GMDS: variants seen among roughly 807,000 people sequenced by gnomAD.
GMDS encodes the protein GDP-mannose 4,6 dehydratase.
A neutral mutation model predicts 49.9 loss-of-function variants in GMDS; 20 were observed. The observed-to-expected ratio is 0.40, with a 90% CI of 0.28 to 0.58. The LOEUF (loss-of-function observed/expected upper bound fraction) is 0.58. Ranked by LOEUF, GMDS falls within the 20% of genes least tolerant of loss-of-function variation. GMDS has a pLI of 0.42. For missense variants in GMDS, 362 were observed against 481.4 expected, an observed-to-expected ratio of 0.75 and a Z score of 2.32; for synonymous variants, 177 against 178.6, an observed-to-expected ratio of 0.99 and a Z score of 0.07.
chr6:1,632,994 T>C (rs149164808), intron 9 of GMDS, among the ~76,000 whole-genome samples: 4 of 152,230 alleles, frequency 2.6e-5, no homozygotes, highest in Admixed American at 1.3e-4. Context: ...ATTCAGGTTT[T>C]AAATCTGTAA....
intron 7 of GMDS, among the ~76,000 whole-genome samples, chr6:1,927,084 T>C (rs1762046397): frequency 6.8e-6 from 1 of 147,550 alleles, no homozygotes; most frequent in Admixed American, 6.8e-5. Flanking sequence ...AGCGTGTTGG[T>C]GTATTTTTAT....
At chr6:1,749,848 T>C (rs1767654330) in intron 7 of GMDS, among the ~76,000 whole-genome samples, 1 of 152,174 alleles carries the variant, frequency 6.6e-6, no homozygotes, top group Non-Finnish European at 1.5e-5. Context: ...TCATTTTTTT[T>C]GTAGACAGGG....
intron 8 of GMDS, among the ~76,000 whole-genome samples, chr6:1,739,913 A>G (rs557604413): frequency 6.6e-6 from 1 of 152,332 alleles, no homozygotes; most frequent in Admixed American, 6.5e-5. Context: ...CTTTCCTAAT[A>G]TAGTACTAAA....
chr6:1,797,974 C>T (rs1356453093), intron 7 of GMDS, among the ~76,000 whole-genome samples: 2 of 152,144 alleles, frequency 1.3e-5, no homozygotes, highest in Non-Finnish European at 2.9e-5. Flanking sequence ...TTTTTCAGTT[C>T]TAATGCTAGG....
intron 9 of GMDS, among the ~76,000 whole-genome samples, chr6:1,685,172 AG>A (rs1339594632): frequency 1.3e-5 from 2 of 152,142 alleles, no homozygotes; most frequent in African/African-American, 4.8e-5. Flanking sequence ...CGAGGTGGGC[AG>A]ATCACTTGAG....
chr6:1,992,651 A>G (rs9392349), intron 4 of GMDS, among the ~76,000 whole-genome samples: 101,167 of 152,016 alleles, frequency 0.67, 34,014 homozygotes, highest in African/African-American at 0.74. Context: ...CCTCCGCCCT[A>G]GCACTCCCAA....
intron 7 of GMDS, among the ~76,000 whole-genome samples, chr6:1,872,623 G>A (rs1046881317): frequency 4.6e-5 from 7 of 152,226 alleles, no homozygotes; most frequent in African/African-American, 1.7e-4. Context: ...TTTATTACGA[G>A]CCACACATGT....
chr6:1,828,416 A>G (rs1031359216), intron 7 of GMDS, among the ~76,000 whole-genome samples: 3 of 152,212 alleles, frequency 2.0e-5, no homozygotes, highest in African/African-American at 7.2e-5. Context: ...AAATTTGATG[A>G]AAAACATGAC....
chr6:1,893,425 T>C (rs960665066), intron 7 of GMDS, among the ~76,000 whole-genome samples: 65 of 152,022 alleles, frequency 4.3e-4, no homozygotes, highest in African/African-American at 1.5e-3. Flanking sequence ...CTCCTGACAT[T>C]AGGTGATCCG....
At chr6:2,064,805 C>T (rs1771439870) in intron 4 of GMDS, among the ~76,000 whole-genome samples, 1 of 152,100 alleles carries the variant, frequency 6.6e-6, no homozygotes, top group African/African-American at 2.4e-5. Flanking sequence ...GGGGATGCCA[C>T]AATAGACCAC....
At chr6:1,952,110 C>T (rs771650702) in intron 6 of GMDS, 1 of 398,468 alleles carries the variant, frequency 2.5e-6, no homozygotes, top group South Asian at 1.0e-4. Flanking sequence ...CAATCTCATG[C>T]TGCTTCTGTT....
rs369616274 is a variant in GMDS at position 1,773,673 on chromosome 6, G to T, written c.772-31087C>A. ...GGACTGGCCCAGTTCTCCTTGGGGAGTGTCTGACACAGGAATTCTAACCGT... is the reference window on the plus strand; with the variant it reads ...GGACTGGCCCAGTTCTCCTTGGGGATTGTCTGACACAGGAATTCTAACCGT... On this transcript the variant is annotated intron_variant, in intron 7 of 10. Coordinates refer to ENST00000380815, the MANE Select transcript of GMDS (RefSeq NM_001500.4). 2.2e-4 allele frequency among the ~76,000 whole-genome samples: 33 copies of T among 152,334 alleles called. 1 individual carries two copies. In the East Asian group the frequency reaches 6.2e-3, roughly 29 times the overall value.
chr6:1,783,329 AC>A, intron 7 of GMDS, among the ~76,000 whole-genome samples: 1 of 152,346 alleles, frequency 6.6e-6, no homozygotes, highest in South Asian at 2.1e-4. Flanking sequence ...CTGAGGTTCC[AC>A]GGGGTGCAGG....
intron 4 of GMDS, among the ~76,000 whole-genome samples, chr6:2,106,974 T>A (rs1379322709): frequency 6.6e-6 from 1 of 152,236 alleles, no homozygotes; most frequent in African/African-American, 2.4e-5. Context: ...GTAAATATGT[T>A]CATTTAGCTA....
At chr6:1,756,795 A>C (rs1467514173) in intron 7 of GMDS, among the ~76,000 whole-genome samples, 1 of 152,210 alleles carries the variant, frequency 6.6e-6, no homozygotes, top group African/African-American at 2.4e-5. Context: ...TCATTAGTCT[A>C]GACGATGCTT....
intron 7 of GMDS, among the ~76,000 whole-genome samples, chr6:1,790,687 G>T (rs1769505894): frequency 6.6e-6 from 1 of 152,078 alleles, no homozygotes; most frequent in Non-Finnish European, 1.5e-5. Flanking sequence ...ATATATAATT[G>T]TATGATTTGA....
chr6:1,926,275 G>A (rs535467610), intron 7 of GMDS, among the ~76,000 whole-genome samples: 2 of 152,268 alleles, frequency 1.3e-5, no homozygotes, highest in Non-Finnish European at 2.9e-5. Flanking sequence ...ACCTATGGAT[G>A]GCTAAACTGA....
At chr6:2,230,189 T>A (rs1781021950) in intron 1 of GMDS, among the ~76,000 whole-genome samples, 1 of 152,250 alleles carries the variant, frequency 6.6e-6, no homozygotes, top group Non-Finnish European at 1.5e-5. Context: ...TTAAGCATTA[T>A]CTACATCAGT....
intron 7 of GMDS, among the ~76,000 whole-genome samples, chr6:1,810,763 G>A (rs747685068): frequency 2.0e-5 from 3 of 152,152 alleles, no homozygotes; most frequent in Non-Finnish European, 4.4e-5. Flanking sequence ...GCAGGCCAAT[G>A]GCGAGATCAG....
Sources: gnomAD v4.1 joint callset for allele counts (sites outside exome capture counted in the v4.1 genomes callset) on GRCh38, gnomAD v4.1.1 for gene constraint, MANE v1.5 for transcripts, NCBI Gene and HGNC (gene_info 2026-07-23, HGNC 2026-07-21) for gene names.